The following TANC2 variants were observed in gnomAD, a reference collection of about 807,000 sequenced individuals.
The protein encoded by TANC2 is tetratricopeptide repeat, ankyrin repeat and coiled-coil containing 2.
Under a neutral mutation model 210.5 loss-of-function variants are expected in TANC2, and 26 were observed. The ratio of observed to expected loss-of-function variants is 0.12; its 90% CI spans 0.09 to 0.17. TANC2 has a LOEUF of 0.17. TANC2 is among the 10% of genes least tolerant of loss of function. The probability of loss-of-function intolerance (pLI) is 1.00; values close to 1 mark genes in which losing one functional copy is unlikely to be tolerated. For synonymous variants in TANC2, 931 were observed against 967.1 expected, an observed-to-expected ratio of 0.96 and a Z score of 0.69; for missense variants, 2,129 against 2,608.9, an observed-to-expected ratio of 0.82 and a Z score of 4.01.
chr17:63,246,398 T>A (rs2042921780), intron 8 of TANC2, among the ~76,000 whole-genome samples: 1 of 152,170 alleles, frequency 6.6e-6, no homozygotes, highest in African/African-American at 2.4e-5. Context: ...TGTAGCAAGT[T>A]GTGTAACCCT....
intron 3 of TANC2, among the ~76,000 whole-genome samples, chr17:63,076,705 A>G (rs2036583209): frequency 6.6e-6 from 1 of 152,174 alleles, no homozygotes; most frequent in Non-Finnish European, 1.5e-5. Context: ...GAAATAAGAG[A>G]AAATAACCAT....
At chr17:63,243,453 A>G (rs1444946665) in intron 8 of TANC2, among the ~76,000 whole-genome samples, 1 of 152,186 alleles carries the variant, frequency 6.6e-6, no homozygotes, top group African/African-American at 2.4e-5. Flanking sequence ...AAAACTGAAA[A>G]CCATTCACAT....
At chr17:63,282,802 G>A (rs576710411) in intron 9 of TANC2, among the ~76,000 whole-genome samples, 40 of 151,976 alleles carry the variant, frequency 2.6e-4, no homozygotes, top group Non-Finnish European at 2.8e-4. Flanking sequence ...CTTCCTGTGC[G>A]CCTATTTGCT....
At chr17:63,298,808 G>T (rs932015443) in intron 9 of TANC2, among the ~76,000 whole-genome samples, 5 of 151,854 alleles carry the variant, frequency 3.3e-5, no homozygotes, top group African/African-American at 1.2e-4. Flanking sequence ...AACTTGTAGG[G>T]TTGTTACATA....
chr17:63,065,181 T>C (rs2036152408), intron 2 of TANC2, among the ~76,000 whole-genome samples: 1 of 152,248 alleles, frequency 6.6e-6, no homozygotes, highest in Non-Finnish European at 1.5e-5. Flanking sequence ...TTACATAGCA[T>C]GATGTCCTCC....
chr17:63,014,664 AATT>A (rs777718135), intron 2 of TANC2, among the ~76,000 whole-genome samples: 17 of 152,206 alleles, frequency 1.1e-4, no homozygotes, highest in Non-Finnish European at 2.5e-4. Context: ...CAAAAGCACA[AATT>A]ATTACATACT....
intron 1 of TANC2, among the ~76,000 whole-genome samples, chr17:62,980,925 C>T (rs558430408): frequency 6.6e-6 from 1 of 152,280 alleles, no homozygotes; most frequent in South Asian, 2.1e-4. Context: ...TACACTTGCT[C>T]TTCTGAGTCT....
At chr17:63,055,606 A>G (rs1156746346) in intron 2 of TANC2, among the ~76,000 whole-genome samples, 1 of 147,472 alleles carries the variant, frequency 6.8e-6, no homozygotes, top group Non-Finnish European at 1.5e-5. Flanking sequence ...ACTCTATTCT[A>G]TTTCCTGTAC....
chr17:63,043,442 A>G (rs750524424), intron 2 of TANC2, among the ~76,000 whole-genome samples: 1 of 152,120 alleles, frequency 6.6e-6, no homozygotes, highest in Non-Finnish European at 1.5e-5. Context: ...TTTAATTTTC[A>G]CAACCTTGTG....
exon 28 of TANC2, chr17:63,422,838 A>G (rs1187322877): frequency 6.6e-6 from 1 of 152,238 alleles, no homozygotes; most frequent in Non-Finnish European, 1.5e-5. Context: ...GAAAGGCTAT[A>G]GGAAGTCTGT....
intron 6 of TANC2, among the ~76,000 whole-genome samples, chr17:63,199,546 G>T (rs1413274002): frequency 2.0e-5 from 3 of 151,862 alleles, no homozygotes; most frequent in Admixed American, 6.6e-5. Context: ...TTGAACCTGG[G>T]CAGCAGAGGT....
chr17:63,341,847 A>T (rs966682235), intron 12 of TANC2, among the ~76,000 whole-genome samples: 2 of 152,206 alleles, frequency 1.3e-5, no homozygotes, highest in Non-Finnish European at 2.9e-5. Flanking sequence ...CCTTGTTCTG[A>T]CATTCAAGAT....
intron 2 of TANC2, among the ~76,000 whole-genome samples, chr17:63,071,844 ATGAAT>A (rs2036408268): frequency 6.6e-6 from 1 of 152,170 alleles, no homozygotes; most frequent in Non-Finnish European, 1.5e-5. Context: ...AAACGGGAAC[ATGAAT>A]TGAACTCAAA....
chr17:63,225,502 C>G (rs1179693273), intron 7 of TANC2, among the ~76,000 whole-genome samples: 1 of 152,196 alleles, frequency 6.6e-6, no homozygotes, highest in Non-Finnish European at 1.5e-5. Flanking sequence ...ATCTCACTGT[C>G]TACTGTACAT....
intron 14 of TANC2, among the ~76,000 whole-genome samples, chr17:63,371,908 G>C (rs2047279962): frequency 6.6e-6 from 1 of 152,186 alleles, no homozygotes; most frequent in Non-Finnish European, 1.5e-5. Flanking sequence ...TTATCCAGAA[G>C]TGAGTGTCAT....
chr17:63,352,130 A>T (rs1298002413), intron 13 of TANC2, among the ~76,000 whole-genome samples: 1 of 152,036 alleles, frequency 6.6e-6, no homozygotes, highest in Non-Finnish European at 1.5e-5. Flanking sequence ...ACATATTCAC[A>T]CTTGGTTTGG....
At chr17:63,137,655 T>C (rs552957918) in intron 4 of TANC2, among the ~76,000 whole-genome samples, 16 of 152,362 alleles carry the variant, frequency 1.1e-4, no homozygotes, top group African/African-American at 2.6e-4. Context: ...AAAACTCTTA[T>C]TTGTAATGTC....
At chr17:63,410,967 CTTATG>C (rs1350545162) in intron 21 of TANC2, among the ~76,000 whole-genome samples, 1 of 148,476 alleles carries the variant, frequency 6.7e-6, no homozygotes, top group African/African-American at 2.5e-5. Flanking sequence ...AATAAGTTGA[CTTATG>C]TTAAGCATAC....
At chr17:62,983,363 T>G (rs1243629908) in intron 1 of TANC2, among the ~76,000 whole-genome samples, 2 of 151,760 alleles carry the variant, frequency 1.3e-5, no homozygotes, top group African/African-American at 4.8e-5. Flanking sequence ...TTTATTTTAT[T>G]TTTTATTTTA....
Sources: gnomAD v4.1 joint callset for allele counts (sites outside exome capture counted in the v4.1 genomes callset) on GRCh38, gnomAD v4.1.1 for gene constraint, MANE v1.5 for transcripts, NCBI Gene and HGNC (gene_info 2026-07-23, HGNC 2026-07-21) for gene names.